EXOC4: variants seen among roughly 807,000 people sequenced by gnomAD.
EXOC4 encodes the protein SEC8-like 1.
EXOC4 carries 71 observed loss-of-function variants against 107.2 expected under a neutral mutation model. The observed-to-expected ratio is 0.66, with a 90% CI of 0.55 to 0.81. EXOC4 has a LOEUF of 0.81. EXOC4 is among the 30% of genes least tolerant of loss of function. The probability of loss-of-function intolerance (pLI) is 0.00; values close to 1 mark genes in which losing one functional copy is unlikely to be tolerated. For missense variants in EXOC4, 1,108 were observed against 1,189.6 expected (o/e 0.93, Z 1.01); for synonymous variants, 456 against 441.2 (o/e 1.03, Z -0.42).
intron 2 of EXOC4, among the ~76,000 whole-genome samples, chr7:133,286,022 G>A (rs1794268361): frequency 1.3e-5 from 2 of 152,038 alleles, no homozygotes; most frequent in South Asian, 4.1e-4. Context: ...GCCTCCCAAA[G>A]TACTAGGATT....
intron 2 of EXOC4, 132 bp downstream of exon 2, chr7:133,275,303 G>T: frequency 1.5e-6 from 1 of 685,856 alleles, no homozygotes; most frequent in Non-Finnish European, 2.2e-6. Context: ...CAGGAGTTCT[G>T]CAGGTGTCTG....
intron 7 of EXOC4, among the ~76,000 whole-genome samples, chr7:133,409,529 A>G (rs1797308721): frequency 6.6e-6 from 1 of 152,158 alleles, no homozygotes; most frequent in Non-Finnish European, 1.5e-5. Flanking sequence ...TTTTGTTTCC[A>G]TGAGTATTTT....
chr7:133,720,805 A>G (rs755715299), intron 10 of EXOC4, among the ~76,000 whole-genome samples: 1 of 152,220 alleles, frequency 6.6e-6, no homozygotes, highest in Non-Finnish European at 1.5e-5. Context: ...GCAAGAGGAT[A>G]GATAACTTCA....
At chr7:133,994,977 C>G (rs776634250) in intron 14 of EXOC4, among the ~76,000 whole-genome samples, 1 of 152,030 alleles carries the variant, frequency 6.6e-6, no homozygotes, top group African/African-American at 2.4e-5. Context: ...TTCAGTAAGC[C>G]CTGAGGAGTT....
intron 9 of EXOC4, among the ~76,000 whole-genome samples, chr7:133,555,840 T>C (rs1241186042): frequency 6.6e-6 from 1 of 152,212 alleles, no homozygotes; most frequent in East Asian, 1.9e-4. Context: ...ATTGGCCAGA[T>C]ACATTAGGTT....
rs369836026 is a variant in EXOC4, at chr7:133,576,871, G to A, written c.1418-53174G>A. 18 of 1,289,292 alleles carry A rather than the reference G, an allele frequency of 1.4e-5. No individual in the cohort carries two copies. In the East Asian group the frequency reaches 3.3e-4, roughly 24 times the overall value. The allele number at this position is 1,289,292 out of a possible 1,614,324, so 79.9% of individuals were successfully genotyped here. On this transcript the variant is annotated intron_variant, in intron 9 of 17. Coordinates refer to ENST00000253861, the MANE Select transcript of EXOC4 (RefSeq NM_021807.4). Reference sequence around the variant, plus strand: ...TCATCTGTTTTAAGATGAATTCATCGGGTAATGTGTTTTAAGATTAAATTA... The same window carrying A: ...TCATCTGTTTTAAGATGAATTCATCAGGTAATGTGTTTTAAGATTAAATTA...
intron 10 of EXOC4, among the ~76,000 whole-genome samples, chr7:133,727,981 C>T (rs968595976): frequency 6.6e-6 from 1 of 152,000 alleles, no homozygotes; most frequent in African/African-American, 2.4e-5. Flanking sequence ...TTTCATTTTA[C>T]ACTCCTTGTT....
At chr7:133,406,364 A>C (rs568023214) in intron 7 of EXOC4, among the ~76,000 whole-genome samples, 2 of 152,132 alleles carry the variant, frequency 1.3e-5, no homozygotes, top group Non-Finnish European at 2.9e-5. Context: ...TTTTGTATTT[A>C]TAACACAAAT....
intron 7 of EXOC4, among the ~76,000 whole-genome samples, chr7:133,394,105 C>A (rs1396467574): frequency 6.6e-6 from 1 of 152,030 alleles, no homozygotes; most frequent in Non-Finnish European, 1.5e-5. Flanking sequence ...GCAAGAGAAA[C>A]CATTAATAAT....
At chr7:133,630,870 T>C (rs1802574982) in intron 10 of EXOC4, among the ~76,000 whole-genome samples, 1 of 152,062 alleles carries the variant, frequency 6.6e-6, no homozygotes, top group African/African-American at 2.4e-5. Flanking sequence ...GGTGCCTCCA[T>C]TAAAGAAAAA....
intron 11 of EXOC4, among the ~76,000 whole-genome samples, chr7:133,832,467 C>T (rs1284520001): frequency 6.6e-6 from 1 of 152,236 alleles, no homozygotes; most frequent in Non-Finnish European, 1.5e-5. Flanking sequence ...CAACATTTCT[C>T]TCTTTTTAAG....
chr7:133,943,054 TA>T (rs1397042483), intron 14 of EXOC4, among the ~76,000 whole-genome samples: 1 of 152,214 alleles, frequency 6.6e-6, no homozygotes, highest in African/African-American at 2.4e-5. Flanking sequence ...TAATTAAAGT[TA>T]AAAATGTAGT....
At chr7:133,723,186 A>C (rs1795138507) in intron 10 of EXOC4, among the ~76,000 whole-genome samples, 1 of 152,218 alleles carries the variant, frequency 6.6e-6, no homozygotes, top group Non-Finnish European at 1.5e-5. Context: ...AGCAAAAATA[A>C]AAAGTGTTAC....
At chr7:133,411,071 C>T (rs1178310999) in intron 7 of EXOC4, among the ~76,000 whole-genome samples, 1 of 152,068 alleles carries the variant, frequency 6.6e-6, no homozygotes, top group Non-Finnish European at 1.5e-5. Flanking sequence ...TCTTAAGAGT[C>T]TCTTAAGAGG....
At chr7:133,398,783 A>G (rs543303164) in intron 7 of EXOC4, among the ~76,000 whole-genome samples, 12 of 152,202 alleles carry the variant, frequency 7.9e-5, no homozygotes, top group Non-Finnish European at 1.6e-4. Flanking sequence ...GTGCCACTCT[A>G]ACTTAGTGAC....
chr7:133,619,468 A>G (rs1563129165), intron 9 of EXOC4, among the ~76,000 whole-genome samples: 1 of 152,350 alleles, frequency 6.6e-6, no homozygotes, highest in East Asian at 1.9e-4. Flanking sequence ...AGACAAAACA[A>G]GATTGATAGG....
intron 7 of EXOC4, among the ~76,000 whole-genome samples, chr7:133,473,533 C>CT (rs1344156660): frequency 2.6e-5 from 4 of 151,798 alleles, no homozygotes; most frequent in Non-Finnish European, 4.4e-5. Context: ...CCTTTTTTGT[C>CT]TTTTTGTACA....
At chr7:133,805,351 A>C (rs1797050220) in intron 10 of EXOC4, among the ~76,000 whole-genome samples, 1 of 152,230 alleles carries the variant, frequency 6.6e-6, no homozygotes, top group Non-Finnish European at 1.5e-5. Context: ...TTATAAGAAA[A>C]GGCATGAACT....
intron 10 of EXOC4, among the ~76,000 whole-genome samples, chr7:133,758,950 A>G (rs188396753): frequency 7.0e-4 from 106 of 152,294 alleles, no homozygotes; most frequent in African/African-American, 2.5e-3. Context: ...AAGGAAAAAA[A>G]TGCTGAAATT....
Sources: gnomAD v4.1 joint callset for allele counts (sites outside exome capture counted in the v4.1 genomes callset) on GRCh38, gnomAD v4.1.1 for gene constraint, MANE v1.5 for transcripts, NCBI Gene and HGNC (gene_info 2026-07-23, HGNC 2026-07-21) for gene names.